Variants in ZNF281 observed in about 807,000 individuals in gnomAD.
The protein encoded by ZNF281 is zinc finger protein 281, also known as GC-box-binding zinc finger protein 1.
A neutral mutation model predicts 58.8 loss-of-function variants in ZNF281; 2 were observed. The ratio of observed to expected loss-of-function variants is 0.03; its 90% CI spans 0.01 to 0.11. ZNF281 has a LOEUF of 0.11. Ranked by LOEUF, ZNF281 falls within the 10% of genes least tolerant of loss-of-function variation. ZNF281 has a pLI of 1.00. For synonymous variants in ZNF281, 465 were observed against 407.7 expected (o/e 1.14, Z -1.69); for missense variants, 975 against 1,090.7 (o/e 0.89, Z 1.49).
chr1:200,406,886 A>C lies in ZNF281; in HGVS notation c.*132T>G, dbSNP rs916921868. The C allele has an allele frequency of 1.2e-6, 1 of 808,374 alleles. No individual in the cohort carries two copies. Among genetic ancestry groups the C allele is most frequent in the African/African-American group, 1.7e-5 (1 of 57,698 alleles). 50.1% of individuals were successfully genotyped at this position (808,374 alleles called of 1,614,324 possible). On this transcript the variant is annotated 3_prime_UTR_variant, in exon 2 of 2. Transcript: ENST00000367353. ...AAAATCACGCTAACAAAATAAACTAAATATGAAAAGTTGCATTGAAAGGGC... is the reference window on the plus strand; with the variant it reads ...AAAATCACGCTAACAAAATAAACTACATATGAAAAGTTGCATTGAAAGGGC...
rs1654424835 is a variant in ZNF281 at position 200,405,497 on chromosome 1, T to C, written c.*1521A>G. ...CAGAAGAGTACATAAGACTGAAACA[T>C]CACCAAAAGTACATAAAAAACTCAT... On this transcript the variant is annotated 3_prime_UTR_variant, in exon 2 of 2. Coordinates refer to ENST00000367353, the MANE Select transcript of ZNF281 (RefSeq NM_001281293.2). The C allele has an allele frequency of 2.6e-5, 4 of 151,836 alleles. No individual in the cohort carries two copies. The South Asian group carries it at 6.2e-4, about 24-fold the overall frequency. The allele number at this position is 151,836 out of a possible 1,614,324, so 9.4% of individuals were successfully genotyped here.
chr1:200,409,603 TGCC>T lies in ZNF281; in HGVS notation c.100_102del (p.Gly34del), dbSNP rs756735296. ...TCCATCTCTGCCCTCCTGCCGCTGC[TGCC>T]GCCGCCGCCGCCGCCGCCACTACCA... On this transcript the variant is annotated inframe_deletion, in exon 2 of 2. Coordinates refer to ENST00000367353, the MANE Select transcript of ZNF281 (RefSeq NM_001281293.2). 55 of 1,546,458 alleles carry T rather than the reference TGCC, an allele frequency of 3.6e-5. No individual in the cohort carries two copies. The highest frequency in any genetic ancestry group is 4.1e-4 in the Middle Eastern group (2 of 4,918).
chr1:200,406,883 C>G lies in ZNF281; in HGVS notation c.*135G>C, dbSNP rs1654465549. 8 of 781,506 alleles carry G rather than the reference C, an allele frequency of 1.0e-5. No homozygotes were observed. Among genetic ancestry groups the G allele is most frequent in the Non-Finnish European group, 1.5e-5 (8 of 524,036 alleles). The allele number at this position is 781,506 out of a possible 1,614,324, so 48.4% of individuals were successfully genotyped here. ...GCTAAAATCACGCTAACAAAATAAA[C>G]TAAATATGAAAAGTTGCATTGAAAG... is the stretch of plus-strand genomic sequence containing the variant. On this transcript the variant is annotated 3_prime_UTR_variant, in exon 2 of 2. Coordinates refer to ENST00000367353, the MANE Select transcript of ZNF281 (RefSeq NM_001281293.2).
At chr1:200,409,889 C>T (rs1654574982) in intron 1 of ZNF281, 57 bp downstream of exon 1, 2 of 893,240 alleles carry the variant, frequency 2.2e-6, no homozygotes, top group East Asian at 5.4e-5. Context: ...ACGCATGGTC[C>T]TGCGACTCTT....
rs562340128 is a variant in ZNF281 at position 200,410,013 on chromosome 1, G to A, written c.-86C>T. ...AAAATAACGCCGTCCTCTCCACAAT[G>A]GAATTAAAAGCCTCCCGTGTACTGC... On this transcript the variant is annotated 5_prime_UTR_variant, in exon 1 of 2. Transcript: ENST00000367353. 3.8e-6 allele frequency: 2 copies of A among 525,562 alleles called. No individual in the cohort carries two copies. Among genetic ancestry groups the A allele is most frequent in the South Asian group, 2.2e-5 (1 of 45,800 alleles). 32.6% of individuals were successfully genotyped at this position (525,562 alleles called of 1,614,324 possible). A position where few individuals can be genotyped will look rare whatever the true frequency, so the allele number is the denominator to read the frequency against.
At position 200,409,610 on chromosome 1, in the gene ZNF281, GCCGCCGCCGCCGCCACTACCA is replaced by G. The variant is rs768990066; in HGVS notation, c.75_95del (p.Ser27_Gly33del). 2 of 1,548,446 alleles carry G rather than the reference GCCGCCGCCGCCGCCACTACCA, an allele frequency of 1.3e-6. No individual in the cohort carries two copies. The highest frequency in any genetic ancestry group is 4.9e-5 in the East Asian group (2 of 40,888). On this transcript the variant is annotated inframe_deletion, in exon 2 of 2. Transcript: ENST00000367353. ...CTGCCCTCCTGCCGCTGCTGCCGCC[GCCGCCGCCGCCGCCACTACCA>G]CCGCCGCCGGAGCCGCTACCACCGC...
Position 200,406,833 on chromosome 1 carries a change from G to A in ZNF281, c.*185C>T, listed in dbSNP as rs920318597. The A allele has an allele frequency of 1.2e-5, 6 of 506,122 alleles. No individual in the cohort carries two copies. The highest frequency in any genetic ancestry group is 2.0e-5 in the Non-Finnish European group (6 of 304,004). 31.4% of individuals were successfully genotyped at this position (506,122 alleles called of 1,614,324 possible). ...AAACTATTTTTAATCTATTGATTTTGATTAAAAATCATAATACAAACAGAG... is the reference window on the plus strand; with the variant it reads ...AAACTATTTTTAATCTATTGATTTTAATTAAAAATCATAATACAAACAGAG... On this transcript the variant is annotated 3_prime_UTR_variant, in exon 2 of 2. Transcript: ENST00000367353.
chr1:200,405,934 T>C lies in ZNF281; in HGVS notation c.*1084A>G, dbSNP rs1654438237. 1 of 151,740 alleles carries C rather than the reference T, an allele frequency of 6.6e-6. No homozygotes were observed. The highest frequency in any genetic ancestry group is 2.1e-4 in the South Asian group (1 of 4,826). The allele number at this position is 151,740 out of a possible 1,614,324, so 9.4% of individuals were successfully genotyped here. ...TTTTTTATTTGGATGCCCTAAGGCA[T>C]ATAAAGCGCATAGTGAATTACCTAC... is the stretch of plus-strand genomic sequence containing the variant. On this transcript the variant is annotated 3_prime_UTR_variant, in exon 2 of 2. Transcript: ENST00000367353.
At chr1:200,409,910 C>T in intron 1 of ZNF281, 36 bp downstream of exon 1, 1 of 751,274 alleles carries the variant, frequency 1.3e-6, no homozygotes. Context: ...CCCCAGGCCT[C>T]GCCCTCTCCC....
rs1277449167 is a variant in ZNF281, at chr1:200,409,589, CCTCCTGCCG to C, written c.108_116del (p.Ser36_Arg38del). On this transcript the variant is annotated inframe_deletion, in exon 2 of 2. Transcript: ENST00000367353. ...GGGGAAAGGTGGGTTCCATCTCTGC[CCTCCTGCCG>C]CTGCTGCCGCCGCCGCCGCCGCCGC... 5 of 1,549,332 alleles carry C rather than the reference CCTCCTGCCG, an allele frequency of 3.2e-6. No homozygotes were observed. The highest frequency in any genetic ancestry group is 4.4e-6 in the Non-Finnish European group (5 of 1,146,786).
At position 200,408,556 on chromosome 1, in the gene ZNF281, TTGA is replaced by T. The variant is rs1654522019; in HGVS notation, c.1147_1149del (p.Ser383del). On this transcript the variant is annotated inframe_deletion, in exon 2 of 2. Coordinates refer to ENST00000367353, the MANE Select transcript of ZNF281 (RefSeq NM_001281293.2). Reference sequence around the variant, plus strand: ...GCCAGATTACCCATATTGGTATGGTTTGATGACCCAGGTTCTGCACTAGTGGCT... The same window carrying T: ...GCCAGATTACCCATATTGGTATGGTTTGACCCAGGTTCTGCACTAGTGGCT... 6.2e-7 allele frequency: 1 copy of T among 1,614,262 alleles called. No individual in the cohort carries two copies. The highest frequency in any genetic ancestry group is 8.5e-7 in the Non-Finnish European group (1 of 1,180,050).
Position 200,409,310 on chromosome 1 carries a change from G to A in ZNF281, c.396C>T (p.Pro132=), listed in dbSNP as rs576158543. 1.9e-6 allele frequency: 3 copies of A among 1,599,384 alleles called. No individual in the cohort carries two copies. Among genetic ancestry groups the A allele is most frequent in the South Asian group, 2.2e-5 (2 of 89,536 alleles). The change falls in exon 2 of 2, where the codon CCC becomes CCT. Residue 132 remains proline (P), a synonymous_variant. Coordinates refer to ENST00000367353, the MANE Select transcript of ZNF281 (RefSeq NM_001281293.2). The stretch of plus-strand genomic sequence containing the variant: ...GGGACTGCTGCTCCTCAGGATCCGC[G>A]GGTTTCTCCTGTTTGATGCTAACCA... ...QSLVSIKQEK[P]ADPEEQQSHH...
In ZNF281 at chr1:200,406,954, G is replaced by A. The variant is rs566897310; in HGVS notation, c.*64C>T. 8.3e-6 allele frequency: 12 copies of A among 1,453,640 alleles called. No homozygotes were observed. In the East Asian group the frequency reaches 2.7e-4, roughly 33 times the overall value. 90.0% of individuals were successfully genotyped at this position (1,453,640 alleles called of 1,614,324 possible). The stretch of plus-strand genomic sequence containing the variant: ...AGGATCGTGTAGAAACATTCCAATG[G>A]CAGTGTTCTCAAAATAAAACAAAAT... On this transcript the variant is annotated 3_prime_UTR_variant, in exon 2 of 2. Transcript: ENST00000367353.
At position 200,407,532 on chromosome 1, in the gene ZNF281, G is replaced by C. The variant is rs1447044841; in HGVS notation, c.2174C>G (p.Thr725Ser). Residue 725 changes from threonine to serine, a missense_variant, in exon 2 of 2, where the codon ACC becomes AGC. By Grantham distance (58) the Thr-to-Ser change is moderately conservative. This residue lies in a region of ZNF281 where 579 missense variants were observed against 608.9 expected (regional missense o/e 0.95). Transcript: ENST00000367353. ...TGGCAATGAAGATGGCAACACTGAGGTAACAGATTGGCCGAAACCACACTC... is the reference window on the plus strand; with the variant it reads ...TGGCAATGAAGATGGCAACACTGAGCTAACAGATTGGCCGAAACCACACTC... ...PLECGFGQSV[T>S]SVLPSSLPKP... is the part of the protein sequence containing the mutation. 1 of 1,614,180 alleles carries C rather than the reference G, an allele frequency of 6.2e-7. No homozygotes were observed. Among genetic ancestry groups the C allele is most frequent in the Admixed American group, 1.7e-5 (1 of 60,016 alleles).
At chr1:200,409,813 C>T in intron 1 of ZNF281, 90 bp from the exon 2 acceptor site, 1 of 1,424,154 alleles carries the variant, frequency 7.0e-7, no homozygotes, top group Non-Finnish European at 9.3e-7. Context: ...AGGACCCCGC[C>T]GCGCCGCCGC....
chr1:200,409,643 G>A lies in ZNF281; in HGVS notation c.63C>T (p.Gly21=), dbSNP rs769564564. 110 of 1,550,512 alleles carry A rather than the reference G, an allele frequency of 7.1e-5. No individual in the cohort carries two copies. The highest frequency in any genetic ancestry group is 1.2e-4 in the Admixed American group (6 of 51,520). Residue 21 remains glycine (G), a synonymous_variant, in exon 2 of 2, where the codon GGC becomes GGT. Transcript: ENST00000367353. ...CGCCGCCACTACCACCGCCGCCGGA[G>A]CCGCTACCACCGCTACTGCCGGTAC... ...GGGTGSSGGS[G]SGGGGSGGGG...
Position 200,407,213 on chromosome 1 carries a change from A to C in ZNF281, c.2493T>G (p.Phe831Leu). The change falls in exon 2 of 2, where the codon TTT (phenylalanine) becomes TTG (leucine). Residue 831 changes from phenylalanine (F) to leucine (L), a missense_variant. By Grantham distance (22) the Phe-to-Leu change is conservative (BLOSUM62 0). Transcript: ENST00000367353. ...TAAACTGAGAACCAAACGCTTGTGCAAAGTTCTCAATCTGATACGTTGTTC... is the reference window on the plus strand; with the variant it reads ...TAAACTGAGAACCAAACGCTTGTGCCAAGTTCTCAATCTGATACGTTGTTC... Reference protein sequence around the residue: ...EPRTTYQIENFAQAFGSQFKS... With the variant: ...EPRTTYQIENLAQAFGSQFKS... 1 of 1,614,244 alleles carries C rather than the reference A, an allele frequency of 6.2e-7. No homozygotes were observed. The highest frequency in any genetic ancestry group is 8.5e-7 in the Non-Finnish European group (1 of 1,180,044).
chr1:200,406,682 T>C lies in ZNF281; in HGVS notation c.*336A>G. On this transcript the variant is annotated 3_prime_UTR_variant, in exon 2 of 2. Coordinates refer to ENST00000367353, the MANE Select transcript of ZNF281 (RefSeq NM_001281293.2). ...AATAACCTTAATCCTAGCAACAAAGTTTTTTTTGTAGGTTTTTTTTTTTTG... is the reference window on the plus strand; with the variant it reads ...AATAACCTTAATCCTAGCAACAAAGCTTTTTTTGTAGGTTTTTTTTTTTTG... 1 of 194,642 alleles carries C rather than the reference T, an allele frequency of 5.1e-6. No homozygotes were observed. The highest frequency in any genetic ancestry group is 1.0e-5 in the Non-Finnish European group (1 of 96,514). The allele number at this position is 194,642 out of a possible 1,614,324, so 12.1% of individuals were successfully genotyped here. A position where few individuals can be genotyped will look rare whatever the true frequency, so the allele number is the denominator to read the frequency against.
chr1:200,409,592 C>CCTGCCGCTG lies in ZNF281; in HGVS notation c.105_113dup (p.Ser35_Gly37dup), dbSNP rs1553244147. The CCTGCCGCTG allele has an allele frequency of 4.5e-5, 69 of 1,549,190 alleles. No homozygotes were observed. The highest frequency in any genetic ancestry group is 1.2e-4 in the African/African-American group (9 of 72,956). On this transcript the variant is annotated inframe_insertion, in exon 2 of 2. Transcript: ENST00000367353. ...GAAAGGTGGGTTCCATCTCTGCCCT[C>CCTGCCGCTG]CTGCCGCTGCTGCCGCCGCCGCCGC...
Sources: gnomAD v4.1 joint callset for allele counts on GRCh38, gnomAD v4.1.1 for gene constraint, gnomAD v4.1.1 regional missense constraint, MANE v1.5 for transcripts, NCBI Gene and HGNC (gene_info 2026-07-23, HGNC 2026-07-21) for gene names.